The following GRID1 variants were observed in gnomAD, a reference collection of about 807,000 sequenced individuals.
GRID1 encodes the protein glutamate ionotropic receptor delta type subunit 1, also known as glutamate receptor ionotropic, delta-1.
In GRID1, 28 loss-of-function variants were observed where a neutral mutation model predicts 98.0. That is an observed-to-expected ratio of 0.29 (90% CI 0.21 to 0.39). GRID1 has a LOEUF of 0.39. Among genes scored for constraint, GRID1 ranks in the 10% least tolerant of loss-of-function variants. GRID1 has a pLI of 1.00. For missense variants in GRID1, 1,111 were observed against 1,340.5 expected, an observed-to-expected ratio of 0.83 and a Z score of 2.67; for synonymous variants, 553 against 538.5, an observed-to-expected ratio of 1.03 and a Z score of -0.37.
chr10:85,979,438 T>A (rs1842515759), intron 4 of GRID1, among the ~76,000 whole-genome samples: 1 of 152,132 alleles, frequency 6.6e-6, no homozygotes, highest in African/African-American at 2.4e-5. Flanking sequence ...GATGGAAATC[T>A]GAGATTAAGG....
chr10:86,312,976 G>A (rs868299901), intron 2 of GRID1, among the ~76,000 whole-genome samples: 7 of 152,220 alleles, frequency 4.6e-5, no homozygotes, highest in Admixed American at 3.3e-4. Context: ...CTGTGGCAAC[G>A]AAACAACAGA....
chr10:85,862,890 G>C (rs989666790), intron 6 of GRID1, among the ~76,000 whole-genome samples: 2 of 152,206 alleles, frequency 1.3e-5, no homozygotes, highest in African/African-American at 2.4e-5. Context: ...GAAATGGAGG[G>C]AGGGCAGGGA....
chr10:86,083,533 G>A (rs7923700), intron 4 of GRID1, among the ~76,000 whole-genome samples: 95,582 of 152,102 alleles, frequency 0.63, 30,963 homozygotes, highest in East Asian at 0.88. Context: ...TTTCAGAAGC[G>A]GACATTGCAC....
chr10:85,769,566 C>T (rs564571964), intron 8 of GRID1, among the ~76,000 whole-genome samples: 26 of 152,282 alleles, frequency 1.7e-4, no homozygotes, highest in Non-Finnish European at 3.1e-4. Flanking sequence ...GTTCCCTTTC[C>T]GAGTCAAAGA....
intron 8 of GRID1, among the ~76,000 whole-genome samples, chr10:85,851,916 CTTTATT>C: frequency 6.6e-6 from 1 of 152,104 alleles, no homozygotes; most frequent in Admixed American, 6.5e-5. Context: ...TGTGAATGTC[CTTTATT>C]TTTAAGTTAC....
intron 4 of GRID1, among the ~76,000 whole-genome samples, chr10:85,964,834 T>G (rs774780621): frequency 1.8e-4 from 27 of 152,130 alleles, no homozygotes; most frequent in Non-Finnish European, 2.9e-4. Flanking sequence ...CAAAAGAAAC[T>G]ATCATCAGAG....
At chr10:86,157,545 A>T (rs1474306364) in intron 3 of GRID1, among the ~76,000 whole-genome samples, 2 of 152,112 alleles carry the variant, frequency 1.3e-5, no homozygotes, top group African/African-American at 4.8e-5. Context: ...AAATGTAAAG[A>T]AGGGCTTGTA....
chr10:86,190,653 G>A (rs754465166), intron 3 of GRID1, among the ~76,000 whole-genome samples: 3 of 152,146 alleles, frequency 2.0e-5, no homozygotes, highest in Admixed American at 6.5e-5. Context: ...CTAGAAGGAA[G>A]GCCTCAGGAA....
chr10:85,835,852 A>T (rs1000151109), intron 8 of GRID1, among the ~76,000 whole-genome samples: 19 of 152,224 alleles, frequency 1.2e-4, no homozygotes, highest in Non-Finnish European at 1.5e-5. Context: ...TTATAATGGA[A>T]TCAGACTAGA....
At chr10:86,160,946 G>T (rs1451814287) in intron 3 of GRID1, among the ~76,000 whole-genome samples, 1 of 152,196 alleles carries the variant, frequency 6.6e-6, no homozygotes, top group Admixed American at 6.5e-5. Flanking sequence ...ATTATTAGAG[G>T]CCAAAATCCT....
chr10:86,285,360 G>A (rs1410339002), intron 2 of GRID1, among the ~76,000 whole-genome samples: 4 of 152,178 alleles, frequency 2.6e-5, no homozygotes, highest in Admixed American at 2.0e-4. Context: ...GAAGCCCTGT[G>A]GTGACATGCT....
chr10:86,301,622 G>A (rs1847688749), intron 2 of GRID1, among the ~76,000 whole-genome samples: 1 of 152,136 alleles, frequency 6.6e-6, no homozygotes. Context: ...CCAAGGAAAG[G>A]GGGAGCAGGG....
chr10:86,317,903 G>A (rs773518640), intron 2 of GRID1, among the ~76,000 whole-genome samples: 4 of 152,048 alleles, frequency 2.6e-5, no homozygotes, highest in Non-Finnish European at 5.9e-5. Context: ...ACTACACCCA[G>A]ATAATTTTTT....
At chr10:85,889,963 A>G (rs750147177) in intron 5 of GRID1, among the ~76,000 whole-genome samples, 1 of 152,148 alleles carries the variant, frequency 6.6e-6, no homozygotes, top group Non-Finnish European at 1.5e-5. Flanking sequence ...TGATGCTTCA[A>G]TTCATACAAT....
chr10:86,094,830 GAA>G (rs35843077), intron 4 of GRID1, among the ~76,000 whole-genome samples: 22 of 133,720 alleles, frequency 1.6e-4, no homozygotes, highest in East Asian at 6.4e-4. Context: ...CACAGAATTA[GAA>G]AAAAAAAAAA....
At chr10:85,867,587 G>A (rs550118306) in intron 6 of GRID1, among the ~76,000 whole-genome samples, 4 of 152,346 alleles carry the variant, frequency 2.6e-5, no homozygotes, top group South Asian at 2.1e-4. Context: ...CTTGGCCTTC[G>A]CCATTTCTTC....
At chr10:86,145,749 C>T (rs1157070525) in intron 3 of GRID1, among the ~76,000 whole-genome samples, 1 of 152,088 alleles carries the variant, frequency 6.6e-6, no homozygotes, top group Non-Finnish European at 1.5e-5. Flanking sequence ...ATATGGGTAA[C>T]AGGAGCTAGG....
chr10:85,774,326 A>G (rs868770966), intron 8 of GRID1, among the ~76,000 whole-genome samples: 3 of 152,264 alleles, frequency 2.0e-5, no homozygotes, highest in Admixed American at 1.3e-4. Context: ...AAATTAATTC[A>G]AGATGGATTA....
chr10:85,750,361 A>T lies in GRID1; in HGVS notation c.1234-20747T>A, dbSNP rs1484637852. On this transcript the variant is annotated intron_variant, in intron 8 of 15. Coordinates refer to ENST00000327946, the MANE Select transcript of GRID1 (RefSeq NM_017551.3). ...TGATCATCAGCTGTGATTGGCTGAA[A>T]GATATGATTACTCCTATTTTAAGAG... Among the ~76,000 whole-genome samples the T allele has an allele frequency of 2.0e-5, 3 of 152,296 alleles. No individual in the cohort carries two copies. In the South Asian group the frequency reaches 6.2e-4, roughly 32 times the overall value.
Sources: gnomAD v4.1 joint callset for allele counts (sites outside exome capture counted in the v4.1 genomes callset) on GRCh38, gnomAD v4.1.1 for gene constraint, MANE v1.5 for transcripts, NCBI Gene and HGNC (gene_info 2026-07-23, HGNC 2026-07-21) for gene names.